ARMH1: variants seen among roughly 807,000 people sequenced by gnomAD.
ARMH1 encodes armadillo-like helical domain containing protein 1.
In ARMH1, 34 loss-of-function variants were observed where a neutral mutation model predicts 50.2. That is an observed-to-expected ratio of 0.68 (90% CI 0.51 to 0.90). ARMH1 has a LOEUF of 0.90. ARMH1 is among the 40% of genes least tolerant of loss of function. The probability of loss-of-function intolerance (pLI) is 0.00; values close to 1 mark genes in which losing one functional copy is unlikely to be tolerated. For synonymous variants in ARMH1, 221 were observed against 224.2 expected (o/e 0.99, Z 0.13); for missense variants, 538 against 553.9 (o/e 0.97, Z 0.29).
At chr1:44,685,536 C>T (rs1645441410) in intron 1 of ARMH1, among the ~76,000 whole-genome samples, 1 of 152,136 alleles carries the variant, frequency 6.6e-6, no homozygotes, top group Non-Finnish European at 1.5e-5. Context: ...GTCTCAAACT[C>T]CTGGGCTCAA....
At chr1:44,721,765 C>G (rs757753667) in intron 6 of ARMH1, 1 of 152,130 alleles carries the variant, frequency 6.6e-6, no homozygotes, top group East Asian at 1.9e-4. Flanking sequence ...CCACACGTCT[C>G]TCTTTAGTAA....
chr1:44,707,496 C>T (rs2148697332), intron 6 of ARMH1, among the ~76,000 whole-genome samples: 1 of 152,318 alleles, frequency 6.6e-6, no homozygotes, highest in South Asian at 2.1e-4. Context: ...GTAGCACAGT[C>T]ATGGCTCACT....
At chr1:44,708,709 G>T (rs1351579399) in intron 6 of ARMH1, among the ~76,000 whole-genome samples, 2 of 152,132 alleles carry the variant, frequency 1.3e-5, no homozygotes, top group Non-Finnish European at 2.9e-5. Context: ...GAAGCTGCTG[G>T]TGGTGTCACC....
Position 44,724,996 on chromosome 1 carries a change from G to A in ARMH1, c.1129-140G>A. 1 of 1,503,086 alleles carries A rather than the reference G, an allele frequency of 6.7e-7. No homozygotes were observed. The highest frequency in any genetic ancestry group is 2.1e-5 in the Admixed American group (1 of 46,546). 93.1% of individuals were successfully genotyped at this position (1,503,086 alleles called of 1,614,324 possible). On this transcript the variant is annotated intron_variant, in intron 10 of 11. Transcript: ENST00000535358. This position sits in a 1 kb window ranked among gnomAD's most constrained non-coding sequence, Gnocchi z 6.4. Reference sequence around the variant, plus strand: ...TGCTCTGGCGTAGGCTCCTCCACCCGCCACCTTCCTGTTCCCTTTCCTGCC... The same window carrying A: ...TGCTCTGGCGTAGGCTCCTCCACCCACCACCTTCCTGTTCCCTTTCCTGCC...
At chr1:44,723,074 CAA>C (rs35266270) in intron 6 of ARMH1, among the ~76,000 whole-genome samples, 15 of 130,642 alleles carry the variant, frequency 1.1e-4, no homozygotes, top group Admixed American at 1.6e-4. Context: ...GGCTCTGTCT[CAA>C]AAAAAAAAAA....
chr1:44,720,825 C>T (rs530673433), intron 6 of ARMH1, among the ~76,000 whole-genome samples: 28 of 152,174 alleles, frequency 1.8e-4, no homozygotes, highest in Non-Finnish European at 4.0e-4. Flanking sequence ...CACTTGAGGT[C>T]AGGAGTTCAA....
chr1:44,687,778 G>A (rs1432082215), intron 1 of ARMH1, among the ~76,000 whole-genome samples: 2 of 152,166 alleles, frequency 1.3e-5, no homozygotes, highest in African/African-American at 4.8e-5. Flanking sequence ...TCACAGTGAC[G>A]TTTAAAGCTG....
At position 44,701,060 on chromosome 1, in the gene ARMH1, C is replaced by G. The variant is rs1378438555; in HGVS notation, c.580C>G (p.Leu194Val). The G allele has an allele frequency of 6.4e-7, 1 of 1,551,668 alleles. No homozygotes were observed. Among genetic ancestry groups the G allele is most frequent in the African/African-American group, 1.4e-5 (1 of 73,028 alleles). The change falls in exon 5 of 12, where the codon CTG (leucine) becomes GTG (valine). Residue 194 changes from leucine to valine, a missense_variant. Transcript: ENST00000535358. ...NQVYKGLIAL[L>V]PCESPKAQQL... ...AGTGTATAAAGGTCTAATAGCTTTG[C>G]TGCCCTGCGAGTCCCCAAAAGCCCA... is the stretch of plus-strand genomic sequence containing the variant.
Position 44,703,515 on chromosome 1 carries a change from G to A in ARMH1, c.640-574G>A, listed in dbSNP as rs116334622. On this transcript the variant is annotated intron_variant, in intron 5 of 11. Coordinates refer to ENST00000535358, the MANE Select transcript of ARMH1 (RefSeq NM_001145636.2). ...AAACGGGTGGATCACTTGAGGTCAA[G>A]AACTCGAGACCAGCCTGGTCAACAT... is the stretch of plus-strand genomic sequence containing the variant. Among the ~76,000 whole-genome samples, 331 of 141,750 alleles carry A rather than the reference G, an allele frequency of 2.3e-3. 2 individuals carry two copies. The highest frequency in any genetic ancestry group is 8.3e-3 in the African/African-American group (319 of 38,422). The allele number at this position is 141,750 out of a possible 152,430, so 93.0% of individuals were successfully genotyped here. A position where few individuals can be genotyped will look rare whatever the true frequency, so the allele number is the denominator to read the frequency against.
At chr1:44,721,661 GGAGGTTGTAGT>G (rs1200019952) in intron 6 of ARMH1, 1 of 152,052 alleles carries the variant, frequency 6.6e-6, no homozygotes, top group Non-Finnish European at 1.5e-5. Flanking sequence ...CATGGGAGAT[GGAGGTTGTAGT>G]GAGCCGCGAC....
Position 44,701,078 on chromosome 1 carries a change from A to G in ARMH1, c.598A>G (p.Lys200Glu). ...AGCTTTGCTGCCCTGCGAGTCCCCA[A>G]AAGCCCAGCAGCTGTCCCTGCAGAC... ...LIALLPCESP[K>E]AQQLSLQTLR... is the part of the protein sequence containing the mutation. Residue 200 changes from lysine to glutamate, a missense_variant, in exon 5 of 12, where the codon AAA (lysine) becomes GAA (glutamate). Lys to Glu is a moderately conservative substitution (Grantham distance 56). Transcript: ENST00000535358. 6.4e-7 allele frequency: 1 copy of G among 1,551,696 alleles called. No individual in the cohort carries two copies. The highest frequency in any genetic ancestry group is 1.2e-5 in the South Asian group (1 of 84,062).
At position 44,690,689 on chromosome 1, in the gene ARMH1, G is replaced by A. The variant is rs934120696; in HGVS notation, c.206+786G>A. On this transcript the variant is annotated intron_variant, in intron 2 of 11. Coordinates refer to ENST00000535358, the MANE Select transcript of ARMH1 (RefSeq NM_001145636.2). ...ATGGTGAAGCTTCTTTTGTTTGTTT[G>A]TTTATTTGAAACAGAGTCTCTCTCT... Among the ~76,000 whole-genome samples the A allele has an allele frequency of 3.3e-5, 5 of 151,966 alleles. No homozygotes were observed. In the South Asian group the frequency reaches 8.3e-4, roughly 25 times the overall value.
chr1:44,705,833 C>T (rs767436717), intron 6 of ARMH1, among the ~76,000 whole-genome samples: 3 of 151,982 alleles, frequency 2.0e-5, no homozygotes, highest in African/African-American at 7.3e-5. Context: ...AAGGGTTCAC[C>T]GAGACGGTGG....
At chr1:44,707,485 C>G (rs754024273) in intron 6 of ARMH1, among the ~76,000 whole-genome samples, 1 of 152,066 alleles carries the variant, frequency 6.6e-6, no homozygotes, top group Non-Finnish European at 1.5e-5. Flanking sequence ...GCTGGAGCAC[C>G]GTAGCACAGT....
At position 44,704,144 on chromosome 1, in the gene ARMH1, G is replaced by A; in HGVS notation, c.695G>A (p.Gly232Asp). Residue 232 changes from glycine (G) to aspartate (D), a missense_variant, in exon 6 of 12, where the codon GGC becomes GAC. Gly to Asp is a moderately conservative substitution (Grantham distance 94). Transcript: ENST00000535358. The part of the protein sequence containing the change: ...SIVDCVLKVL[G>D]TMHLEVQYEA... ...GTGGACTGCGTGCTGAAGGTGCTGG[G>A]CACGATGCACCTGGAAGTCCAGTAT... 6.4e-7 allele frequency: 1 copy of A among 1,551,360 alleles called. No homozygotes were observed. Among genetic ancestry groups the A allele is most frequent in the Non-Finnish European group, 8.7e-7 (1 of 1,146,830 alleles).
At chr1:44,721,895 CA>C (rs764418446) in intron 6 of ARMH1, 4 of 152,100 alleles carry the variant, frequency 2.6e-5, no homozygotes, top group Non-Finnish European at 5.9e-5. Flanking sequence ...GAAGAGAAAC[CA>C]GAGATCTGCC....
At chr1:44,691,023 G>T (rs904719428) in intron 2 of ARMH1, among the ~76,000 whole-genome samples, 2 of 151,924 alleles carry the variant, frequency 1.3e-5, no homozygotes, top group Admixed American at 1.3e-4. Context: ...ACTTTGGGAG[G>T]CCGAGGTGGG....
At chr1:44,676,846 T>G (rs1645156255) in intron 1 of ARMH1, among the ~76,000 whole-genome samples, 1 of 152,146 alleles carries the variant, frequency 6.6e-6, no homozygotes, top group South Asian at 2.1e-4. Context: ...CAGGTTTTTA[T>G]TCGGATGGAA....
chr1:44,696,990 C>T (rs771773150), intron 2 of ARMH1, 112 bp from the exon 3 acceptor site: 3 of 720,586 alleles, frequency 4.2e-6, no homozygotes, highest in Non-Finnish European at 7.4e-6. Flanking sequence ...TAAAGAGGCA[C>T]AGTTCAGCTA....
Sources: gnomAD v4.1 joint callset for allele counts (sites outside exome capture counted in the v4.1 genomes callset) on GRCh38, gnomAD v4.1.1 for gene constraint, Gnocchi (gnomAD v3.1) non-coding constraint, MANE v1.5 for transcripts, NCBI Gene and HGNC (gene_info 2026-07-23, HGNC 2026-07-21) for gene names.